The following ZNF211 variants were observed in gnomAD, a reference collection of about 807,000 sequenced individuals.
The protein encoded by ZNF211 is zinc finger protein C2H2-25.
In ZNF211, 18 loss-of-function variants were observed where a neutral mutation model predicts 12.1. That is an observed-to-expected ratio of 1.48 (90% CI 1.03 to 2.20). The LOEUF (loss-of-function observed/expected upper bound fraction) is 2.20. ZNF211 is among the 30% of genes most tolerant of loss of function. The pLI, the probability that ZNF211 is intolerant of heterozygous loss-of-function variation, is 0.00. For missense variants in ZNF211, 677 were observed against 703.1 expected, an observed-to-expected ratio of 0.96 and a Z score of 0.42; for synonymous variants, 249 against 246.0, an observed-to-expected ratio of 1.01 and a Z score of -0.11.
At chr19:57,636,832 G>A (rs891795020) in intron 3 of ZNF211, among the ~76,000 whole-genome samples, 2 of 152,112 alleles carry the variant, frequency 1.3e-5, no homozygotes, top group Non-Finnish European at 2.9e-5. Context: ...GAGCACTCTA[G>A]TCCATGAGCA....
chr19:57,636,367 A>G (rs926321211), intron 3 of ZNF211, among the ~76,000 whole-genome samples: 14 of 152,188 alleles, frequency 9.2e-5, no homozygotes, highest in Non-Finnish European at 1.9e-4. Flanking sequence ...TAGTTTTAGT[A>G]CTTACATTCA....
At chr19:57,637,607 G>T (rs370458964) in intron 3 of ZNF211, among the ~76,000 whole-genome samples, 1 of 152,224 alleles carries the variant, frequency 6.6e-6, no homozygotes, top group East Asian at 1.9e-4. Context: ...CTATCTGGTC[G>T]TAGTGCATAA....
intron 3 of ZNF211, among the ~76,000 whole-genome samples, chr19:57,635,107 G>A (rs1338278667): frequency 6.6e-6 from 1 of 152,056 alleles, no homozygotes; most frequent in African/African-American, 2.4e-5. Flanking sequence ...CACTGACATT[G>A]CCACTATTTA....
rs373975322 is a variant in ZNF211, at chr19:57,641,388, T to C, written c.941T>C (p.Ile314Thr). ...TTCTTTACCTACTACTCCAGTTTCA[T>C]TATACATCAGAGAGTTCATACTGGA... ...GKFFTYYSSF[I>T]IHQRVHTGER... The change falls in exon 4 of 4, where the codon ATT becomes ACT. Residue 314 changes from isoleucine to threonine, a missense_variant. Physicochemically the swap from Ile to Thr is moderately conservative, Grantham distance 89. Transcript: ENST00000240731. The C allele has an allele frequency of 2.6e-5, 42 of 1,614,202 alleles. No individual in the cohort carries two copies. In the African/African-American group the frequency reaches 4.0e-4, roughly 15 times the overall value.
rs1357264735 is a variant in ZNF211, at chr19:57,642,259, T to A, written c.*78T>A. 49 of 1,460,004 alleles carry A rather than the reference T, an allele frequency of 3.4e-5. No homozygotes were observed. Among genetic ancestry groups the A allele is most frequent in the Non-Finnish European group, 4.4e-5 (48 of 1,091,778 alleles). 90.4% of individuals were successfully genotyped at this position (1,460,004 alleles called of 1,614,324 possible). A position where few individuals can be genotyped will look rare whatever the true frequency, so the allele number is the denominator to read the frequency against. ...ACCTGTGAGAGAGACAAGTACCTGA[T>A]TTGGAAGCCCCAACATCTAAGGATA... is the stretch of plus-strand genomic sequence containing the variant. On this transcript the variant is annotated 3_prime_UTR_variant, in exon 4 of 4. Transcript: ENST00000240731.
At position 57,633,352 on chromosome 19, in the gene ZNF211, C is replaced by T. The variant is rs906722411; in HGVS notation, c.6C>T (p.Leu2=). ...AGGCCGGCCTGGGGATAGCGATGCTCGGGTTCCCCCCGGGTCGCCCGCAGC... is the reference window on the plus strand; with the variant it reads ...AGGCCGGCCTGGGGATAGCGATGCTTGGGTTCCCCCCGGGTCGCCCGCAGC... The part of the protein sequence containing the change: M[L]GFPPGRPQLP... Residue 2 remains leucine, a synonymous_variant, in exon 1 of 4, where the codon CTC becomes CTT. Transcript: ENST00000240731. 3.8e-6 allele frequency: 6 copies of T among 1,590,846 alleles called. No individual in the cohort carries two copies. In the African/African-American group the frequency reaches 4.0e-5, roughly 11 times the overall value.
intron 1 of ZNF211, 57 bp from the exon 2 acceptor site, chr19:57,633,966 T>G: frequency 6.2e-7 from 1 of 1,601,680 alleles, no homozygotes; most frequent in Non-Finnish European, 8.5e-7. Flanking sequence ...AGGGAAGGCC[T>G]GTGCCCATGG....
chr19:57,634,010 C>G lies in ZNF211; in HGVS notation c.91-13C>G. ...CATGATCACATTCCTCTGAGGCCTG[C>G]GTCTTTCCACAGGTTCCCATAGCTA... On this transcript the variant is annotated splice_polypyrimidine_tract_variant and intron_variant, in intron 1 of 3. Coordinates refer to ENST00000240731, the MANE Select transcript of ZNF211 (RefSeq NM_006385.5). 6.3e-7 allele frequency: 1 copy of G among 1,591,660 alleles called. No individual in the cohort carries two copies. The highest frequency in any genetic ancestry group is 8.5e-7 in the Non-Finnish European group (1 of 1,170,310).
intron 3 of ZNF211, among the ~76,000 whole-genome samples, chr19:57,638,693 G>C (rs1048428848): frequency 6.6e-6 from 1 of 152,198 alleles, no homozygotes; most frequent in Non-Finnish European, 1.5e-5. Context: ...TTCTGTTGTT[G>C]TTGGGTAGAA....
chr19:57,633,690 G>C lies in ZNF211; in HGVS notation c.90+254G>C, dbSNP rs1211352080. The C allele has an allele frequency of 4.6e-6, 7 of 1,534,082 alleles. No homozygotes were observed. The East Asian group carries it at 1.5e-4, about 32-fold the overall frequency. ...TGTTACTGCAGGGAACAAAGTTTGA[G>C]AGAGATCTACCTTTATTCTTAGGGC... On this transcript the variant is annotated intron_variant, in intron 1 of 3. Coordinates refer to ENST00000240731, the MANE Select transcript of ZNF211 (RefSeq NM_006385.5).
intron 3 of ZNF211, among the ~76,000 whole-genome samples, chr19:57,638,488 G>A (rs1253015813): frequency 6.6e-6 from 1 of 151,824 alleles, no homozygotes; most frequent in East Asian, 1.9e-4. Flanking sequence ...TTTCTTCATG[G>A]CCCCATTGGT....
intron 3 of ZNF211, among the ~76,000 whole-genome samples, chr19:57,638,974 C>T (rs1233392217): frequency 6.6e-6 from 1 of 151,978 alleles, no homozygotes; most frequent in Non-Finnish European, 1.5e-5. Flanking sequence ...TCTCTTGTTA[C>T]CCTTTTTGAT....
At chr19:57,634,795 T>G (rs759497946) in intron 3 of ZNF211, 40 bp downstream of exon 3, 2 of 1,480,540 alleles carry the variant, frequency 1.4e-6, no homozygotes, top group Non-Finnish European at 1.8e-6. Context: ...TGGACTAGGC[T>G]CTCTGTTTCT....
rs780668793 is a variant in ZNF211 at position 57,640,684 on chromosome 19, C to T, written c.257-20C>T. ...CTAATAAAGGTAACATGTACTTCAC[C>T]ATGATCTCTTTACTTTTAGGTTGTT... is the stretch of plus-strand genomic sequence containing the variant. On this transcript the variant is annotated intron_variant, in intron 3 of 3. Coordinates refer to ENST00000240731, the MANE Select transcript of ZNF211 (RefSeq NM_006385.5). The T allele has an allele frequency of 1.2e-6, 2 of 1,608,836 alleles. No homozygotes were observed. Among genetic ancestry groups the T allele is most frequent in the Admixed American group, 1.7e-5 (1 of 59,560 alleles).
intron 1 of ZNF211, 151 bp from the exon 2 acceptor site, chr19:57,633,872 G>T: frequency 6.2e-7 from 1 of 1,605,806 alleles, no homozygotes; most frequent in South Asian, 1.1e-5. Context: ...CCACACAACT[G>T]GTGAGAGGCA....
chr19:57,633,392 C>T lies in ZNF211; in HGVS notation c.46C>T (p.Arg16Cys). 1 of 1,604,906 alleles carries T rather than the reference C, an allele frequency of 6.2e-7. No homozygotes were observed. Residue 16 changes from arginine to cysteine, a missense_variant, in exon 1 of 4, where the codon CGC (arginine) becomes TGC (cysteine). Physicochemically the swap from Arg to Cys is radical, Grantham distance 180 (BLOSUM62 -3). Coordinates refer to ENST00000240731, the MANE Select transcript of ZNF211 (RefSeq NM_006385.5). ...TCGCCCGCAGCTCCCGGTCCAGCTC[C>T]GCCCACAGACTCGGATGGCGACCGC... is the stretch of plus-strand genomic sequence containing the variant. ...PGRPQLPVQL[R>C]PQTRMATALR...
At position 57,641,095 on chromosome 19, in the gene ZNF211, A is replaced by G; in HGVS notation, c.648A>G (p.Gln216=). Residue 216 remains glutamine (Q), a synonymous_variant, in exon 4 of 4, where the codon CAA becomes CAG. Transcript: ENST00000240731. ...TGGCCAACATGAGGTTTCTCCATCAAGACGCCACTCAAACAGGGGAGAAGC... is the reference window on the plus strand; with the variant it reads ...TGGCCAACATGAGGTTTCTCCATCAGGACGCCACTCAAACAGGGGAGAAGC... ...DFLANMRFLH[Q]DATQTGEKPN... 1 of 1,614,206 alleles carries G rather than the reference A, an allele frequency of 6.2e-7. No individual in the cohort carries two copies.
At chr19:57,639,565 A>T (rs1476261030) in intron 3 of ZNF211, among the ~76,000 whole-genome samples, 4 of 150,648 alleles carry the variant, frequency 2.7e-5, no homozygotes. Flanking sequence ...TCCTGGGATT[A>T]CAAACGCACA....
intron 3 of ZNF211, among the ~76,000 whole-genome samples, chr19:57,637,680 A>C (rs1982314803): frequency 6.6e-6 from 1 of 152,292 alleles, no homozygotes; most frequent in Admixed American, 6.5e-5. Flanking sequence ...TGCATTAATA[A>C]TCATCAAGGA....
Sources: allele counts gnomAD v4.1 joint callset (sites outside exome capture counted in the v4.1 genomes callset), GRCh38; gene constraint gnomAD v4.1.1; transcripts MANE v1.5; gene names NCBI Gene and HGNC (gene_info 2026-07-23, HGNC 2026-07-21).